Variants in ABHD3 observed in about 807,000 individuals in gnomAD.
ABHD3 encodes the protein abhydrolase domain containing 3, phospholipase, also known as phospholipase ABHD3.
In ABHD3, 46 loss-of-function variants were observed where a neutral mutation model predicts 48.8. The observed-to-expected ratio is 0.94, with a 90% CI of 0.74 to 1.20. The LOEUF (loss-of-function observed/expected upper bound fraction) is 1.20, where lower values mean the gene tolerates loss of function less well. Among genes scored for constraint, ABHD3 ranks in the 50% most tolerant of loss-of-function variants. The pLI is 0.00. For synonymous variants in ABHD3, 192 were observed against 183.7 expected, an observed-to-expected ratio of 1.04 and a Z score of -0.36; for missense variants, 490 against 497.8, an observed-to-expected ratio of 0.98 and a Z score of 0.15.
intron 3 of ABHD3, among the ~76,000 whole-genome samples, chr18:21,686,622 C>T (rs1444940984): frequency 6.6e-6 from 1 of 152,210 alleles, no homozygotes; most frequent in African/African-American, 2.4e-5. Context: ...GAATTGTACT[C>T]ACCACTCCAT....
intron 5 of ABHD3, among the ~76,000 whole-genome samples, chr18:21,661,334 CTTGTTTT>C (rs1422572431): frequency 6.6e-6 from 1 of 151,920 alleles, no homozygotes; most frequent in Non-Finnish European, 1.5e-5. Context: ...TTTTTTGTTG[CTTGTTTT>C]TTAAGATAAA....
At chr18:21,702,554 A>G in intron 2 of ABHD3, 56 bp from the exon 3 acceptor site, 3 of 1,375,778 alleles carry the variant, frequency 2.2e-6, no homozygotes, top group Non-Finnish European at 2.9e-6. Flanking sequence ...TCATGTCTTA[A>G]TTTTAATTCT....
intron 3 of ABHD3, among the ~76,000 whole-genome samples, chr18:21,684,849 T>C (rs1023160732): frequency 7.2e-5 from 11 of 152,126 alleles, no homozygotes; most frequent in African/African-American, 2.4e-4. Context: ...TAGTGTTCAG[T>C]TGACCTAGGG....
In ABHD3 at chr18:21,683,596, G is replaced by A. The variant is rs769609474; in HGVS notation, c.555+324C>T. The A allele has an allele frequency of 1.2e-5, 6 of 484,058 alleles. No homozygotes were observed. The Admixed American group carries it at 1.4e-4, about 11-fold the overall frequency. The allele number at this position is 484,058 out of a possible 1,614,324, so 30.0% of individuals were successfully genotyped here. On this transcript the variant is annotated intron_variant, in intron 4 of 8. Coordinates refer to ENST00000289119, the MANE Select transcript of ABHD3 (RefSeq NM_138340.5). ...GAGAGGGTAGAAAAAAAATGATGTAGGTGAATAACTATCGATGTTAAAATG... is the reference window on the plus strand; with the variant it reads ...GAGAGGGTAGAAAAAAAATGATGTAAGTGAATAACTATCGATGTTAAAATG...
rs1174505029 is a variant in ABHD3 at position 21,651,620 on chromosome 18, T to C, written c.1201A>G (p.Met401Val). The C allele has an allele frequency of 1.2e-6, 2 of 1,614,050 alleles. No individual in the cohort carries two copies. The highest frequency in any genetic ancestry group is 8.5e-7 in the Non-Finnish European group (1 of 1,180,038). Reference protein sequence around the residue: ...DRVFKQFVQAMVEHGHELS With the variant: ...DRVFKQFVQAVVEHGHELS ...GAGAGTTCATGTCCATGCTCAACCA[T>C]GGCTTGCACAAATTGCTTGAAGACA... is the stretch of plus-strand genomic sequence containing the variant. The change falls in exon 9 of 9, where the codon ATG becomes GTG. Residue 401 changes from methionine to valine, a missense_variant. Met to Val is a conservative substitution (Grantham distance 21). Transcript: ENST00000289119.
chr18:21,702,527 TATTTAC>T, intron 2 of ABHD3, 29 bp from the exon 3 acceptor site: 1 of 1,491,664 alleles, frequency 6.7e-7, no homozygotes, highest in Non-Finnish European at 9.0e-7. Flanking sequence ...AAGACATTAC[TATTTAC>T]ATGTTTTAAG....
intron 3 of ABHD3, among the ~76,000 whole-genome samples, chr18:21,701,065 T>C (rs925139493): frequency 7.2e-5 from 11 of 151,936 alleles, no homozygotes; most frequent in Non-Finnish European, 1.0e-4. Context: ...TTGAATATAA[T>C]TCTTGAACAT....
At chr18:21,689,038 T>G (rs911461074) in intron 3 of ABHD3, among the ~76,000 whole-genome samples, 2 of 152,146 alleles carry the variant, frequency 1.3e-5, no homozygotes, top group Non-Finnish European at 1.5e-5. Context: ...AGGGCCAAAC[T>G]TTCCATGGAA....
At chr18:21,704,369 G>C in intron 1 of ABHD3, 135 bp downstream of exon 1, 1 of 980,252 alleles carries the variant, frequency 1.0e-6, no homozygotes, top group Non-Finnish European at 1.3e-6. Flanking sequence ...GCGCGCGCTG[G>C]GGGCTGCCGC....
chr18:21,651,481 C>T lies in ABHD3; in HGVS notation c.*110G>A, dbSNP rs1250135965. On this transcript the variant is annotated 3_prime_UTR_variant, in exon 9 of 9. Coordinates refer to ENST00000289119, the MANE Select transcript of ABHD3 (RefSeq NM_138340.5). ...TTTTGCATATCATTCTGGACCTCTT[C>T]ACCCATCTGCTGGCTTATTTGCTTT... 3.9e-6 allele frequency: 5 copies of T among 1,282,808 alleles called. No individual in the cohort carries two copies. Among genetic ancestry groups the T allele is most frequent in the East Asian group, 2.5e-5 (1 of 40,622 alleles). 79.5% of individuals were successfully genotyped at this position (1,282,808 alleles called of 1,614,324 possible).
intron 4 of ABHD3, among the ~76,000 whole-genome samples, chr18:21,672,340 GGGTTAC>G (rs1290758131): frequency 1.3e-5 from 2 of 152,108 alleles, no homozygotes; most frequent in African/African-American, 4.8e-5. Flanking sequence ...TTCAGGGCTG[GGGTTAC>G]CGCACTTCCA....
chr18:21,653,246 C>T (rs145447424), intron 8 of ABHD3, among the ~76,000 whole-genome samples: 15 of 151,430 alleles, frequency 9.9e-5, no homozygotes, highest in South Asian at 2.1e-4. Flanking sequence ...CCTGTAATCC[C>T]AGCTACTTGG....
intron 3 of ABHD3, among the ~76,000 whole-genome samples, chr18:21,691,988 G>C (rs2040262146): frequency 6.6e-6 from 1 of 152,134 alleles, no homozygotes; most frequent in Non-Finnish European, 1.5e-5. Flanking sequence ...TTTTGCTCTT[G>C]TTGCCCAGGC....
At chr18:21,653,218 C>T (rs1357621117) in intron 8 of ABHD3, among the ~76,000 whole-genome samples, 2 of 145,428 alleles carry the variant, frequency 1.4e-5, no homozygotes, top group Admixed American at 1.4e-4. Context: ...AAAAAATAGC[C>T]AGGCATGGTG....
chr18:21,703,367 G>A (rs778539918), intron 2 of ABHD3, among the ~76,000 whole-genome samples: 116 of 152,152 alleles, frequency 7.6e-4, no homozygotes, highest in Admixed American at 1.9e-3. Flanking sequence ...CATCAGGTTG[G>A]CGGTTAGGGC....
chr18:21,685,731 T>C (rs1421206648), intron 3 of ABHD3, among the ~76,000 whole-genome samples: 1 of 152,068 alleles, frequency 6.6e-6, no homozygotes, highest in Non-Finnish European at 1.5e-5. Context: ...AGAGTCTCGC[T>C]CTATCACCCA....
chr18:21,673,993 G>C (rs1381751337), intron 4 of ABHD3, among the ~76,000 whole-genome samples: 2 of 152,116 alleles, frequency 1.3e-5, no homozygotes, highest in African/African-American at 2.4e-5. Flanking sequence ...AGTAGGGTGA[G>C]AGCTAAGCCA....
chr18:21,674,047 T>C (rs1008651498), intron 4 of ABHD3, among the ~76,000 whole-genome samples: 6 of 151,994 alleles, frequency 3.9e-5, no homozygotes, highest in Non-Finnish European at 8.8e-5. Context: ...CTTTCTTGAG[T>C]GACTTGGGAG....
chr18:21,653,479 GT>G (rs113101555), intron 8 of ABHD3, among the ~76,000 whole-genome samples: 10 of 148,928 alleles, frequency 6.7e-5, no homozygotes, highest in East Asian at 6.0e-4. Flanking sequence ...ATGAATTAAA[GT>G]TTTTTTTTTC....
Sources: allele counts gnomAD v4.1 joint callset (sites outside exome capture counted in the v4.1 genomes callset), GRCh38; gene constraint gnomAD v4.1.1; transcripts MANE v1.5; gene names NCBI Gene and HGNC (gene_info 2026-07-23, HGNC 2026-07-21).